Variants in PRKCB observed in about 807,000 individuals in gnomAD.
PRKCB encodes protein kinase C beta type.
PRKCB carries 13 observed loss-of-function variants against 81.5 expected under a neutral mutation model. That is an observed-to-expected ratio of 0.16 (90% CI 0.10 to 0.25). PRKCB has a LOEUF of 0.25. Among genes scored for constraint, PRKCB ranks in the 10% least tolerant of loss-of-function variants. The probability of loss-of-function intolerance (pLI) is 1.00; values close to 1 mark genes in which losing one functional copy is unlikely to be tolerated. For missense variants in PRKCB, 509 were observed against 875.7 expected, an observed-to-expected ratio of 0.58 and a Z score of 5.29; for synonymous variants, 335 against 321.4, an observed-to-expected ratio of 1.04 and a Z score of -0.45.
intron 2 of PRKCB, among the ~76,000 whole-genome samples, chr16:23,905,242 C>T (rs1022443030): frequency 2.0e-5 from 3 of 152,030 alleles, no homozygotes; most frequent in African/African-American, 7.3e-5. Flanking sequence ...GGCCTTACGT[C>T]TGTGGAATTT....
chr16:23,878,683 G>A (rs1180118590), intron 2 of PRKCB, among the ~76,000 whole-genome samples: 1 of 152,220 alleles, frequency 6.6e-6, no homozygotes, highest in Non-Finnish European at 1.5e-5. Flanking sequence ...AAAGAACCTT[G>A]AGTATGGATT....
intron 16 of PRKCB, among the ~76,000 whole-genome samples, chr16:24,201,327 T>G (rs999211849): frequency 2.6e-5 from 4 of 152,214 alleles, no homozygotes; most frequent in African/African-American, 9.6e-5. Context: ...CATCTACATC[T>G]GGTCCCAAAC....
At chr16:23,919,278 C>T (rs1301200300) in intron 2 of PRKCB, among the ~76,000 whole-genome samples, 2 of 151,670 alleles carry the variant, frequency 1.3e-5, no homozygotes, top group Non-Finnish European at 2.9e-5. Context: ...TAGGATACAT[C>T]CAAAACCAAA....
chr16:24,114,074 C>T (rs535055131), intron 8 of PRKCB, among the ~76,000 whole-genome samples: 2 of 151,274 alleles, frequency 1.3e-5, no homozygotes, highest in South Asian at 4.2e-4. Flanking sequence ...AAAAAATTAG[C>T]TAGGCATGGT....
chr16:24,130,905 A>G (rs913052081), intron 9 of PRKCB, among the ~76,000 whole-genome samples: 16 of 152,242 alleles, frequency 1.1e-4, no homozygotes, highest in African/African-American at 3.9e-4. Flanking sequence ...CGTCTCAGCC[A>G]CATTCCCTAC....
At chr16:23,865,711 T>C (rs543235956) in intron 2 of PRKCB, among the ~76,000 whole-genome samples, 1 of 151,618 alleles carries the variant, frequency 6.6e-6, no homozygotes, top group African/African-American at 2.4e-5. Flanking sequence ...CTGGTCGCTG[T>C]ATTTCATCAG....
intron 2 of PRKCB, among the ~76,000 whole-genome samples, chr16:23,868,903 G>A (rs1962855468): frequency 6.6e-6 from 1 of 152,178 alleles, no homozygotes; most frequent in Non-Finnish European, 1.5e-5. Context: ...GTTGATTTGA[G>A]CTTCCCTGAA....
chr16:24,186,712 C>T (rs1049991887), intron 15 of PRKCB, among the ~76,000 whole-genome samples: 16 of 152,208 alleles, frequency 1.1e-4, no homozygotes, highest in Admixed American at 2.0e-4. Context: ...CTCAGGCAGG[C>T]CAATCTGAGG....
intron 16 of PRKCB, among the ~76,000 whole-genome samples, chr16:24,195,192 C>A (rs1967860212): frequency 7.6e-6 from 1 of 132,376 alleles, no homozygotes; most frequent in East Asian, 2.2e-4. Context: ...CAGAGCAAGA[C>A]CCTGTCTCAG....
At chr16:23,964,730 G>T (rs1348128136) in intron 2 of PRKCB, among the ~76,000 whole-genome samples, 1 of 148,390 alleles carries the variant, frequency 6.7e-6, no homozygotes, top group Non-Finnish European at 1.5e-5. Context: ...CTGCAGTGTC[G>T]CGATCTCAGC....
intron 2 of PRKCB, among the ~76,000 whole-genome samples, chr16:23,897,850 C>T (rs1462106544): frequency 2.6e-5 from 4 of 152,040 alleles, no homozygotes; most frequent in Non-Finnish European, 4.4e-5. Flanking sequence ...TCCACCCATC[C>T]ACCCACCCAT....
intron 2 of PRKCB, among the ~76,000 whole-genome samples, chr16:23,857,311 G>A (rs1962584892): frequency 6.6e-6 from 1 of 152,160 alleles, no homozygotes; most frequent in African/African-American, 2.4e-5. Context: ...TTATCCTGGG[G>A]GATAATGTGG....
intron 2 of PRKCB, among the ~76,000 whole-genome samples, chr16:23,853,135 A>G (rs1326289516): frequency 6.6e-6 from 1 of 152,254 alleles, no homozygotes; most frequent in East Asian, 1.9e-4. Context: ...TGTAAATACT[A>G]GGAAAACTTG....
At chr16:23,964,677 T>C (rs572557226) in intron 2 of PRKCB, among the ~76,000 whole-genome samples, 10 of 151,378 alleles carry the variant, frequency 6.6e-5, no homozygotes, top group Non-Finnish European at 1.0e-4. Context: ...TCATGAGGTT[T>C]TTTTTTTTTT....
At chr16:23,858,842 G>T (rs1962616674) in intron 2 of PRKCB, among the ~76,000 whole-genome samples, 1 of 152,150 alleles carries the variant, frequency 6.6e-6, no homozygotes. Flanking sequence ...TCACACACAT[G>T]ATCTCATTGA....
At chr16:23,867,053 TC>T (rs1597216924) in intron 2 of PRKCB, among the ~76,000 whole-genome samples, 2 of 84,240 alleles carry the variant, frequency 2.4e-5, no homozygotes, top group East Asian at 4.2e-4. Context: ...TCCTTCCTTC[TC>T]TCTCTCTCTC....
At chr16:24,072,455 A>G (rs751300660) in intron 5 of PRKCB, among the ~76,000 whole-genome samples, 3 of 152,022 alleles carry the variant, frequency 2.0e-5, no homozygotes, top group Admixed American at 6.6e-5. Flanking sequence ...TATTTTTTAT[A>G]AAGATGGGGG....
At chr16:24,170,029 G>C (rs969257252) in intron 10 of PRKCB, among the ~76,000 whole-genome samples, 4 of 152,124 alleles carry the variant, frequency 2.6e-5, no homozygotes, top group Non-Finnish European at 5.9e-5. Flanking sequence ...AGATCTGCCC[G>C]CCTCAGTCTC....
chr16:23,989,379 C>T (rs1964847344), intron 3 of PRKCB, among the ~76,000 whole-genome samples: 1 of 152,108 alleles, frequency 6.6e-6, no homozygotes, highest in African/African-American at 2.4e-5. Flanking sequence ...GCCAGTGCAC[C>T]CTGCTTGTTA....
Sources: allele counts gnomAD v4.1 joint callset (sites outside exome capture counted in the v4.1 genomes callset), GRCh38; gene constraint gnomAD v4.1.1; transcripts MANE v1.5; gene names NCBI Gene and HGNC (gene_info 2026-07-23, HGNC 2026-07-21).